EHF: variants seen among roughly 807,000 people sequenced by gnomAD.
The protein encoded by EHF is ETS homologous factor, also known as ESE3 transcription factor.
EHF carries 14 observed loss-of-function variants against 45.1 expected under a neutral mutation model. The observed-to-expected ratio is 0.31, with a 90% CI of 0.21 to 0.49. The LOEUF (loss-of-function observed/expected upper bound fraction) is 0.49, where lower values mean the gene tolerates loss of function less well. Ranked by LOEUF, EHF falls within the 20% of genes least tolerant of loss-of-function variation. The pLI is 0.99. For synonymous variants in EHF, 136 were observed against 131.8 expected (o/e 1.03, Z -0.22); for missense variants, 282 against 371.4 (o/e 0.76, Z 1.98).
In EHF at chr11:34,651,570, C is replaced by G. The variant is rs149874101; in HGVS notation, c.435C>G (p.Asp145Glu). Reference protein sequence around the residue: ...TEPSIMNTWKDENYLYDTNYG... With the variant: ...TEPSIMNTWKEENYLYDTNYG... ...CTTCCATCATGAACACCTGGAAAGA[C>G]GAGAACTATTTATATGACACCAACT... Residue 145 changes from aspartate (D) to glutamate (E), a missense_variant, in exon 5 of 9, where the codon GAC (aspartate) becomes GAG (glutamate). Physicochemically the swap from Asp to Glu is conservative, Grantham distance 45 (BLOSUM62 2). Around this residue, in one of 3 missense-constraint regions of EHF, gnomAD observed 213 missense variants for 247.3 expected, o/e 0.86. Coordinates refer to ENST00000257831, the MANE Select transcript of EHF (RefSeq NM_012153.6). 1 of 1,613,892 alleles carries G rather than the reference C, an allele frequency of 6.2e-7. No individual in the cohort carries two copies. The highest frequency in any genetic ancestry group is 2.2e-5 in the East Asian group (1 of 44,876).
chr11:34,651,715 C>A, intron 5 of EHF, 22 bp from the exon 6 acceptor site: 1 of 1,613,682 alleles, frequency 6.2e-7, no homozygotes, highest in Non-Finnish European at 8.5e-7. Context: ...TCTAAATGTC[C>A]TTTATCTTTT....
At chr11:34,633,375 G>A (rs949207806) in intron 1 of EHF, among the ~76,000 whole-genome samples, 2 of 152,138 alleles carry the variant, frequency 1.3e-5, no homozygotes, top group African/African-American at 4.8e-5. Context: ...GTATCTCCTG[G>A]AGTTGATCAT....
At chr11:34,630,962 G>A (rs1423054839) in intron 1 of EHF, among the ~76,000 whole-genome samples, 2 of 152,116 alleles carry the variant, frequency 1.3e-5, no homozygotes, top group Admixed American at 1.3e-4. Context: ...GTTTGTCTGG[G>A]GAAATGTTGC....
chr11:34,653,680 C>T (rs1855413505), intron 6 of EHF, among the ~76,000 whole-genome samples: 3 of 152,300 alleles, frequency 2.0e-5, no homozygotes, highest in South Asian at 4.1e-4. Flanking sequence ...TAGTTAATTA[C>T]AGCCTTATAT....
intron 1 of EHF, among the ~76,000 whole-genome samples, chr11:34,634,471 A>G (rs1345225347): frequency 6.6e-6 from 1 of 152,230 alleles, no homozygotes; most frequent in East Asian, 1.9e-4. Flanking sequence ...GGAGCTAGGA[A>G]GAAGGCTGAT....
chr11:34,642,332 C>T (rs773664608), intron 1 of EHF: 1 of 221,446 alleles, frequency 4.5e-6, no homozygotes, highest in Non-Finnish European at 8.8e-6. Context: ...TGCCAGCCAG[C>T]CTCGCCCTGG....
intron 1 of EHF, chr11:34,632,620 C>T: frequency 6.5e-7 from 1 of 1,535,672 alleles, no homozygotes. Flanking sequence ...AGGATTGGTC[C>T]TGCTTTTAAG....
intron 2 of EHF, among the ~76,000 whole-genome samples, chr11:34,643,097 TA>T (rs1854180370): frequency 1.3e-5 from 2 of 151,654 alleles, no homozygotes; most frequent in East Asian, 3.9e-4. Flanking sequence ...TGTGTGTGTG[TA>T]TGTGCGCGTG....
rs1158904545 is a variant in EHF at position 34,647,094 on chromosome 11, CA to C, written c.343+411del. Among the ~76,000 whole-genome samples, 874 of 136,336 alleles carry C rather than the reference CA, an allele frequency of 6.4e-3. 22 individuals carry two copies. The highest frequency in any genetic ancestry group is 0.051 in the East Asian group (225 of 4,412). The allele number at this position is 136,336 out of a possible 152,430, so 89.4% of individuals were successfully genotyped here. On this transcript the variant is annotated intron_variant, in intron 3 of 8. Coordinates refer to ENST00000257831, the MANE Select transcript of EHF (RefSeq NM_012153.6). Reference sequence around the variant, plus strand: ...ACAAAACAAAACAAAACCCCCCCCACACACACACACAAAGAACCTTCTAGAC... The same window carrying C: ...ACAAAACAAAACAAAACCCCCCCCACCACACACACAAAGAACCTTCTAGAC...
chr11:34,630,422 C>T (rs1195251621), intron 1 of EHF, among the ~76,000 whole-genome samples: 2 of 152,220 alleles, frequency 1.3e-5, no homozygotes, highest in Admixed American at 1.3e-4. Context: ...ATTTCTAGCA[C>T]AATTTAAACC....
intron 1 of EHF, among the ~76,000 whole-genome samples, chr11:34,635,701 CTTTTT>C (rs11381442): frequency 8.1e-6 from 1 of 124,166 alleles, no homozygotes. Flanking sequence ...TCTTCCTGGT[CTTTTT>C]TTTTTTTTTT....
At chr11:34,639,862 ACC>A (rs989925297) in intron 1 of EHF, among the ~76,000 whole-genome samples, 3 of 152,056 alleles carry the variant, frequency 2.0e-5, no homozygotes, top group African/African-American at 7.2e-5. Flanking sequence ...GGCAGCTGCC[ACC>A]CTGTAGTCTT....
intron 1 of EHF, among the ~76,000 whole-genome samples, chr11:34,627,740 G>A (rs1298236092): frequency 1.3e-5 from 2 of 151,938 alleles, no homozygotes; most frequent in Admixed American, 1.3e-4. Context: ...CTGTGAACTT[G>A]GATGTAAAAA....
intron 1 of EHF, chr11:34,642,301 GA>G (rs1179378054): frequency 0.064 from 10,339 of 161,256 alleles, 1,048 homozygotes; most frequent in African/African-American, 0.23. Flanking sequence ...AAAAAAAAAA[GA>G]AAAAAAAAAA....
rs1855977697 is a variant in EHF at position 34,659,869 on chromosome 11, G to A, written c.*938G>A. On this transcript the variant is annotated 3_prime_UTR_variant, in exon 9 of 9. Coordinates refer to ENST00000257831, the MANE Select transcript of EHF (RefSeq NM_012153.6). ...GTGAGGGCTTTCCTGTGCATTGTAA[G>A]ATGTTCAGCAGTATCCACTCATGGT... The A allele has an allele frequency of 6.6e-6, 1 of 152,116 alleles. No homozygotes were observed. The highest frequency in any genetic ancestry group is 6.6e-5 in the Admixed American group (1 of 15,250). 9.4% of individuals were successfully genotyped at this position (152,116 alleles called of 1,614,324 possible). A position where few individuals can be genotyped will look rare whatever the true frequency, so the allele number is the denominator to read the frequency against.
intron 4 of EHF, among the ~76,000 whole-genome samples, chr11:34,650,781 A>T (rs1218280513): frequency 1.3e-5 from 2 of 152,162 alleles, no homozygotes; most frequent in African/African-American, 4.8e-5. Context: ...TTTGAATCTG[A>T]AATCTGAAGA....
Position 34,661,882 on chromosome 11 carries a change from G to A in EHF, c.*2951G>A, listed in dbSNP as rs924178054. On this transcript the variant is annotated 3_prime_UTR_variant, in exon 9 of 9. Coordinates refer to ENST00000257831, the MANE Select transcript of EHF (RefSeq NM_012153.6). ...TATTAGGTTTTCATGGGAACATGAG[G>A]CAGCAAATCTATTGCTAAGACTTTA... Among the ~76,000 whole-genome samples, 32 of 152,124 alleles carry A rather than the reference G, an allele frequency of 2.1e-4. No individual in the cohort carries two copies. The highest frequency in any genetic ancestry group is 3.2e-3 in the Middle Eastern group (1 of 316).
At chr11:34,627,023 T>C (rs1163127588) in intron 1 of EHF, among the ~76,000 whole-genome samples, 2 of 152,190 alleles carry the variant, frequency 1.3e-5, no homozygotes, top group African/African-American at 4.8e-5. Flanking sequence ...ATTTGTGGAA[T>C]GAACATCAAG....
intron 3 of EHF, 50 bp from the exon 4 acceptor site, chr11:34,648,969 T>C (rs1367517159): frequency 6.4e-7 from 1 of 1,561,972 alleles, no homozygotes; most frequent in East Asian, 2.3e-5. Context: ...AAGCATCCAG[T>C]TCTGGCTCCA....
Sources: allele counts gnomAD v4.1 joint callset (sites outside exome capture counted in the v4.1 genomes callset), GRCh38; gene constraint gnomAD v4.1.1; regional missense constraint gnomAD v4.1.1; transcripts MANE v1.5; gene names NCBI Gene and HGNC (gene_info 2026-07-23, HGNC 2026-07-21).